ENPEP: variants seen among roughly 807,000 people sequenced by gnomAD.
The protein encoded by ENPEP is AP-A.
Under a neutral mutation model 114.5 loss-of-function variants are expected in ENPEP, and 103 were observed. The observed-to-expected ratio is 0.90, with a 90% CI of 0.77 to 1.06. The LOEUF (loss-of-function observed/expected upper bound fraction) is 1.06, where lower values mean the gene tolerates loss of function less well. Ranked by LOEUF, ENPEP falls within the 50% of genes least tolerant of loss-of-function variation. ENPEP has a pLI of 0.00. For missense variants in ENPEP, 1,196 were observed against 1,161.3 expected (o/e 1.03, Z -0.43); for synonymous variants, 420 against 422.0 (o/e 1.00, Z 0.06).
intron 3 of ENPEP, among the ~76,000 whole-genome samples, chr4:110,494,821 A>G (rs148488571): frequency 7.2e-5 from 11 of 152,370 alleles, no homozygotes; most frequent in African/African-American, 2.6e-4. Flanking sequence ...AGAATAGTTT[A>G]GCAACAATTG....
At chr4:110,538,103 A>G (rs1189041860) in intron 11 of ENPEP, among the ~76,000 whole-genome samples, 4 of 152,198 alleles carry the variant, frequency 2.6e-5, no homozygotes, top group Non-Finnish European at 5.9e-5. Flanking sequence ...ATTGGCTTTA[A>G]TTTAAAGTTA....
intron 14 of ENPEP, 104 bp downstream of exon 14, chr4:110,548,430 C>A: frequency 1.0e-6 from 1 of 962,434 alleles, no homozygotes; most frequent in Non-Finnish European, 1.4e-6. Flanking sequence ...ACCATGTTTG[C>A]TTGCCAGGTG....
intron 3 of ENPEP, among the ~76,000 whole-genome samples, chr4:110,504,274 C>G (rs1476038483): frequency 6.6e-6 from 1 of 152,164 alleles, no homozygotes; most frequent in Non-Finnish European, 1.5e-5. Context: ...GCAGGGGTAA[C>G]AGGGGGTTGT....
intron 1 of ENPEP, among the ~76,000 whole-genome samples, chr4:110,485,425 G>A (rs1377910772): frequency 6.6e-6 from 1 of 152,044 alleles, no homozygotes; most frequent in Non-Finnish European, 1.5e-5. Flanking sequence ...CCTTTCCAGA[G>A]CACATGGAAA....
intron 3 of ENPEP, among the ~76,000 whole-genome samples, chr4:110,499,411 C>G (rs1725068143): frequency 6.6e-6 from 1 of 152,182 alleles, no homozygotes. Flanking sequence ...TTGTCCTGAA[C>G]TCTAGCGTCG....
chr4:110,561,230 A>G (rs1727665689), intron 19 of ENPEP, among the ~76,000 whole-genome samples, 176 bp from the exon 20 acceptor site: 1 of 152,192 alleles, frequency 6.6e-6, no homozygotes, highest in Non-Finnish European at 1.5e-5. Flanking sequence ...ATGGGTAACT[A>G]TTGCTAATCT....
Position 110,548,254 on chromosome 4 carries a change from G to C in ENPEP, c.2079G>C (p.Gln693His). ...GGGAAGAGAATTTTTTACCATGGCA[G>C]AGAGTAATTTCAGCTGTAACCTACA... The part of the protein sequence containing the change: ...LKREENFLPW[Q>H]RVISAVTYII... Residue 693 changes from glutamine to histidine, a missense_variant, in exon 14 of 20, where the codon CAG becomes CAC. Physicochemically the swap from Gln to His is conservative, Grantham distance 24 (BLOSUM62 0). Transcript: ENST00000265162. 1 of 1,603,818 alleles carries C rather than the reference G, an allele frequency of 6.2e-7. No individual in the cohort carries two copies.
chr4:110,515,754 A>C (rs1475135833), intron 8 of ENPEP: 8 of 485,130 alleles, frequency 1.6e-5, no homozygotes, highest in Non-Finnish European at 2.8e-5. Flanking sequence ...TGGCTTAAAC[A>C]ATAGAAATGC....
chr4:110,503,380 G>C (rs1725236893), intron 3 of ENPEP, among the ~76,000 whole-genome samples: 1 of 152,108 alleles, frequency 6.6e-6, no homozygotes, highest in East Asian at 1.9e-4. Flanking sequence ...TTTTAGCTCT[G>C]TCAGGTCATT....
At chr4:110,515,347 G>T in intron 7 of ENPEP, 30 bp from the exon 8 acceptor site, 1 of 1,575,776 alleles carries the variant, frequency 6.3e-7, no homozygotes, top group South Asian at 1.1e-5. Context: ...GCCTTTATTA[G>T]TTTCATTTGT....
rs778078263 is a variant in ENPEP at position 110,477,054 on chromosome 4, G to A, written c.640G>A (p.Val214Ile). 80 of 1,608,846 alleles carry A rather than the reference G, an allele frequency of 5.0e-5. No homozygotes were observed. Among genetic ancestry groups the A allele is most frequent in the Non-Finnish European group, 6.6e-5 (78 of 1,176,720 alleles). Reference sequence around the variant, plus strand: ...AACCACCTACACGGAGAACGGACAAGTCAAGTAAATATTAATTTTTGCTTT... The same window carrying A: ...AACCACCTACACGGAGAACGGACAAATCAAGTAAATATTAATTTTTGCTTT... Reference protein sequence around the residue: ...YRTTYTENGQVKSIVATDHEP... With the variant: ...YRTTYTENGQIKSIVATDHEP... The change falls in exon 1 of 20, where the codon GTC (valine) becomes ATC (isoleucine). Residue 214 changes from valine (V) to isoleucine (I), a missense_variant. Transcript: ENST00000265162.
chr4:110,507,037 G>C (rs1172111506), intron 4 of ENPEP, among the ~76,000 whole-genome samples: 1 of 152,132 alleles, frequency 6.6e-6, no homozygotes, highest in Non-Finnish European at 1.5e-5. Context: ...TGCACAAAAT[G>C]GCAGAGCTTG....
chr4:110,539,740 C>A (rs960080856), intron 11 of ENPEP, among the ~76,000 whole-genome samples: 4 of 152,112 alleles, frequency 2.6e-5, no homozygotes, highest in Non-Finnish European at 4.4e-5. Flanking sequence ...GAGGTAAACT[C>A]TGTAATTTTA....
intron 6 of ENPEP, chr4:110,512,466 T>C (rs563633114): frequency 3.9e-5 from 6 of 152,342 alleles, no homozygotes; most frequent in East Asian, 1.9e-4. Flanking sequence ...ATTATCTTGA[T>C]TGGCAGTCAT....
chr4:110,511,290 T>C (rs546474795), intron 6 of ENPEP, among the ~76,000 whole-genome samples: 5 of 152,234 alleles, frequency 3.3e-5, no homozygotes, highest in Non-Finnish European at 7.3e-5. Flanking sequence ...TATGGAACTA[T>C]TGACATTTTG....
chr4:110,561,884 G>T lies in ENPEP; in HGVS notation c.*326G>T. The T allele has an allele frequency of 5.8e-6, 1 of 173,160 alleles. No homozygotes were observed. The highest frequency in any genetic ancestry group is 1.2e-5 in the Non-Finnish European group (1 of 82,426). 10.7% of individuals were successfully genotyped at this position (173,160 alleles called of 1,614,324 possible). A position where few individuals can be genotyped will look rare whatever the true frequency, so the allele number is the denominator to read the frequency against. ...TTAAATCTGTGAAGTAGAACAATTT[G>T]GTCTTAGCTTTACATTTTCAGTACC... On this transcript the variant is annotated 3_prime_UTR_variant, in exon 20 of 20. Coordinates refer to ENST00000265162, the MANE Select transcript of ENPEP (RefSeq NM_001977.4).
intron 3 of ENPEP, among the ~76,000 whole-genome samples, chr4:110,499,381 A>G (rs1387107458): frequency 2.0e-5 from 3 of 152,234 alleles, no homozygotes; most frequent in African/African-American, 7.2e-5. Flanking sequence ...AATAGGCAGC[A>G]TGATATGTGA....
chr4:110,544,136 G>A (rs1383813578), intron 13 of ENPEP, among the ~76,000 whole-genome samples: 5 of 151,980 alleles, frequency 3.3e-5, no homozygotes, highest in African/African-American at 7.2e-5. Flanking sequence ...TATGGGGTTC[G>A]AAAACAGGCT....
chr4:110,505,977 A>G (rs961581647), intron 3 of ENPEP, among the ~76,000 whole-genome samples: 2 of 152,218 alleles, frequency 1.3e-5, no homozygotes, highest in Non-Finnish European at 2.9e-5. Flanking sequence ...TAAGGACACA[A>G]AGTAGTGACT....
Sources: allele counts gnomAD v4.1 joint callset (sites outside exome capture counted in the v4.1 genomes callset), GRCh38; gene constraint gnomAD v4.1.1; transcripts MANE v1.5; gene names NCBI Gene and HGNC (gene_info 2026-07-23, HGNC 2026-07-21).